The following FMN1 variants were observed in gnomAD, a reference collection of about 807,000 sequenced individuals.
FMN1 encodes the protein formin 1.
A neutral mutation model predicts 132.4 loss-of-function variants in FMN1; 110 were observed. The ratio of observed to expected loss-of-function variants is 0.83; its 90% CI spans 0.71 to 0.97. The LOEUF (loss-of-function observed/expected upper bound fraction) is 0.97. FMN1 is among the 50% of genes least tolerant of loss of function. FMN1 has a pLI of 0.00. For missense variants in FMN1, 1,792 were observed against 1,705.3 expected (o/e 1.05, Z -0.90); for synonymous variants, 722 against 651.7 (o/e 1.11, Z -1.64).
intron 7 of FMN1, among the ~76,000 whole-genome samples, chr15:32,982,613 C>G (rs1406718096): frequency 1.3e-5 from 2 of 152,128 alleles, no homozygotes; most frequent in Admixed American, 1.3e-4. Flanking sequence ...ACATTTAAAT[C>G]TGGAGGCTGG....
intron 5 of FMN1, chr15:33,067,240 G>A (rs2037781183): frequency 2.5e-6 from 4 of 1,613,370 alleles, no homozygotes; most frequent in East Asian, 2.2e-5. Context: ...CTTCCAGTTT[G>A]CTGCTCATCT....
intron 9 of FMN1, among the ~76,000 whole-genome samples, chr15:32,929,880 T>C (rs2061062411): frequency 6.6e-6 from 1 of 152,038 alleles, no homozygotes; most frequent in Non-Finnish European, 1.5e-5. Flanking sequence ...CTATTGTGAA[T>C]GCTGCAACAT....
intron 20 of FMN1, among the ~76,000 whole-genome samples, 151 bp downstream of exon 20, chr15:32,776,683 CA>C (rs2056428207): frequency 6.9e-6 from 1 of 143,898 alleles, no homozygotes; most frequent in African/African-American, 2.6e-5. Flanking sequence ...TCCACCCACA[CA>C]TACTTTTTTT....
chr15:33,158,396 G>C (rs1054773317), intron 3 of FMN1, among the ~76,000 whole-genome samples: 4 of 151,374 alleles, frequency 2.6e-5, no homozygotes, highest in African/African-American at 9.7e-5. Context: ...GGATTTTATA[G>C]CAATAAAGCC....
At chr15:33,090,929 T>C (rs1421468047) in intron 4 of FMN1, among the ~76,000 whole-genome samples, 1 of 152,166 alleles carries the variant, frequency 6.6e-6, no homozygotes, top group Non-Finnish European at 1.5e-5. Context: ...TCCTGGACTA[T>C]TTCTATTCAC....
intron 15 of FMN1, among the ~76,000 whole-genome samples, chr15:32,890,604 T>C (rs780245166): frequency 4.6e-5 from 7 of 152,218 alleles, no homozygotes; most frequent in Non-Finnish European, 1.0e-4. Context: ...CGCCGACTTT[T>C]TGATGAGATT....
At chr15:33,039,086 C>A (rs2036310432) in intron 6 of FMN1, among the ~76,000 whole-genome samples, 2 of 152,094 alleles carry the variant, frequency 1.3e-5, no homozygotes, top group Non-Finnish European at 1.5e-5. Context: ...AACAAACACA[C>A]ACGATGTTAA....
chr15:33,135,726 T>C (rs1212243503), intron 4 of FMN1, among the ~76,000 whole-genome samples: 1 of 152,372 alleles, frequency 6.6e-6, no homozygotes, highest in South Asian at 2.1e-4. Context: ...GGTTATGCAA[T>C]GTTCTTAAAA....
At chr15:33,060,916 C>A (rs779374090) in intron 6 of FMN1, among the ~76,000 whole-genome samples, 5 of 152,174 alleles carry the variant, frequency 3.3e-5, no homozygotes, top group Non-Finnish European at 5.9e-5. Context: ...TTGAGATGTA[C>A]ATCATGACAA....
intron 4 of FMN1, 94 bp downstream of exon 4, chr15:33,152,954 A>G (rs992858867): frequency 3.8e-6 from 5 of 1,308,040 alleles, no homozygotes; most frequent in Non-Finnish European, 5.1e-6. Context: ...ATTTTGGTCC[A>G]TTGTTAATCA....
At chr15:33,078,084 G>T (rs1483557286) in intron 5 of FMN1, among the ~76,000 whole-genome samples, 1 of 152,182 alleles carries the variant, frequency 6.6e-6, no homozygotes, top group African/African-American at 2.4e-5. Context: ...TTTGAAAAGG[G>T]ACATATTGGG....
At chr15:32,877,595 T>C (rs77163764) in intron 16 of FMN1, among the ~76,000 whole-genome samples, 267 of 152,264 alleles carry the variant, frequency 1.8e-3, no homozygotes, top group African/African-American at 6.1e-3. Flanking sequence ...AGTTGGAATA[T>C]ACCTTCAAAA....
intron 20 of FMN1, among the ~76,000 whole-genome samples, chr15:32,775,403 T>G (rs2056383948): frequency 6.6e-6 from 1 of 152,030 alleles, no homozygotes; most frequent in East Asian, 1.9e-4. Flanking sequence ...AAACCCACTG[T>G]TTCCCTTTTG....
chr15:32,826,706 T>C (rs2058375890), intron 17 of FMN1, among the ~76,000 whole-genome samples: 1 of 152,216 alleles, frequency 6.6e-6, no homozygotes, highest in Admixed American at 6.5e-5. Context: ...GGAGTTTGTA[T>C]GTAGGAACGA....
chr15:33,138,632 A>T (rs952997780), intron 4 of FMN1, among the ~76,000 whole-genome samples: 4 of 152,134 alleles, frequency 2.6e-5, no homozygotes, highest in African/African-American at 9.7e-5. Flanking sequence ...TGTCTTCATT[A>T]AACCAGGTAC....
intron 16 of FMN1, among the ~76,000 whole-genome samples, chr15:32,880,808 T>C (rs971929114): frequency 2.0e-5 from 3 of 152,230 alleles, no homozygotes; most frequent in African/African-American, 7.2e-5. Context: ...TGACTGTGTG[T>C]GTAATCCATC....
intron 6 of FMN1, among the ~76,000 whole-genome samples, chr15:33,027,073 ATT>A: frequency 1.3e-5 from 2 of 148,516 alleles, no homozygotes; most frequent in African/African-American, 4.9e-5. Context: ...TAACAGACAT[ATT>A]TTTTTTTTAA....
At chr15:33,123,265 A>T (rs919796057) in intron 4 of FMN1, among the ~76,000 whole-genome samples, 1 of 151,924 alleles carries the variant, frequency 6.6e-6, no homozygotes, top group Non-Finnish European at 1.5e-5. Flanking sequence ...CTGCTGCTTA[A>T]TCTTTCCAAA....
intron 4 of FMN1, among the ~76,000 whole-genome samples, chr15:33,116,888 G>A (rs532040033): frequency 4.1e-4 from 62 of 152,148 alleles, no homozygotes; most frequent in African/African-American, 7.7e-4. Context: ...GTTTGTTGAG[G>A]ATTAAAGAAA....
Sources: allele counts gnomAD v4.1 joint callset (sites outside exome capture counted in the v4.1 genomes callset), GRCh38; gene constraint gnomAD v4.1.1; transcripts MANE v1.5; gene names NCBI Gene and HGNC (gene_info 2026-07-23, HGNC 2026-07-21).